The following SH3RF3 variants were observed in gnomAD, a reference collection of about 807,000 sequenced individuals.
SH3RF3 encodes the protein E3 ubiquitin-protein ligase SH3RF3.
Under a neutral mutation model 66.3 loss-of-function variants are expected in SH3RF3, and 29 were observed. The ratio of observed to expected loss-of-function variants is 0.44; its 90% CI spans 0.33 to 0.60. The LOEUF is 0.60. Ranked by LOEUF, SH3RF3 falls within the 20% of genes least tolerant of loss-of-function variation. SH3RF3 has a pLI of 0.04. For synonymous variants in SH3RF3, 583 were observed against 532.0 expected, an observed-to-expected ratio of 1.10 and a Z score of -1.32; for missense variants, 1,194 against 1,190.9, an observed-to-expected ratio of 1.00 and a Z score of -0.04.
chr2:109,148,989 G>A (rs1473995782), intron 1 of SH3RF3, among the ~76,000 whole-genome samples: 1 of 152,216 alleles, frequency 6.6e-6, no homozygotes, highest in African/African-American at 2.4e-5. Flanking sequence ...TTGTTTCCCT[G>A]TTTGCACTTC....
chr2:109,251,720 AG>A lies in SH3RF3; in HGVS notation c.574-95952del, dbSNP rs1480045993. ...TCTATTTTACTATGATGTAAAAATT[AG>A]GTCGTGTACATTTTCATATTAGACT... On this transcript the variant is annotated intron_variant, in intron 1 of 9. Transcript: ENST00000309415. The A allele has an allele frequency of 3.9e-6, 3 of 769,180 alleles. No individual in the cohort carries two copies. The Admixed American group carries it at 6.6e-5, about 17-fold the overall frequency. 47.6% of individuals were successfully genotyped at this position (769,180 alleles called of 1,614,324 possible).
At chr2:109,449,103 TGC>T in intron 7 of SH3RF3, 65 bp from the exon 8 acceptor site, 4 of 1,537,788 alleles carry the variant, frequency 2.6e-6, no homozygotes, top group Admixed American at 1.9e-5. Context: ...GCATTGCAGC[TGC>T]CTGGCAGGCA....
At chr2:109,240,005 T>C (rs1455652234) in intron 1 of SH3RF3, among the ~76,000 whole-genome samples, 1 of 152,196 alleles carries the variant, frequency 6.6e-6, no homozygotes, top group Admixed American at 6.5e-5. Context: ...TGCTGGCTCA[T>C]GATAGATGAG....
At chr2:109,200,690 G>A (rs1007959816) in intron 1 of SH3RF3, among the ~76,000 whole-genome samples, 1 of 152,148 alleles carries the variant, frequency 6.6e-6, no homozygotes, top group Admixed American at 6.5e-5. Context: ...TGGTGTCCCT[G>A]CACTCCGGTT....
At chr2:109,496,531 T>A (rs36179256) in intron 9 of SH3RF3, among the ~76,000 whole-genome samples, 38,824 of 152,112 alleles carry the variant, frequency 0.26, 5,312 homozygotes, top group East Asian at 0.5. Context: ...TAATAGTAAG[T>A]CAGTGAGGGT....
intron 1 of SH3RF3, among the ~76,000 whole-genome samples, chr2:109,131,358 A>G (rs1031702524): frequency 6.6e-6 from 1 of 152,158 alleles, no homozygotes; most frequent in African/African-American, 2.4e-5. Flanking sequence ...TTTAATTGTG[A>G]TTAAATCCAG....
rs5833330 is a variant in SH3RF3 at position 109,387,858 on chromosome 2, T to TG, written c.946-10722dup. Among the ~76,000 whole-genome samples, 1,069 of 147,758 alleles carry TG rather than the reference T, an allele frequency of 7.2e-3. 5 individuals are homozygous for TG. Among genetic ancestry groups the TG allele is most frequent in the Middle Eastern group, 0.014 (4 of 288 alleles). On this transcript the variant is annotated intron_variant, in intron 3 of 9. Coordinates refer to ENST00000309415, the MANE Select transcript of SH3RF3 (RefSeq NM_001099289.3). ...TTCCAAAGCAACAGCCCCAGATGGT[T>TG]GGGGGGGGGGTCTCCTCCCCCGGCC...
rs1428122961 is a variant in SH3RF3 at position 109,504,532 on chromosome 2, T to G, written c.*2861T>G. On this transcript the variant is annotated 3_prime_UTR_variant, in exon 10 of 10. Coordinates refer to ENST00000309415, the MANE Select transcript of SH3RF3 (RefSeq NM_001099289.3). Reference sequence around the variant, plus strand: ...ACACACACCCTATCCCAAGTGTTTTTGTTAGACACAAATGTCAGCGTGTGA... The same window carrying G: ...ACACACACCCTATCCCAAGTGTTTTGGTTAGACACAAATGTCAGCGTGTGA... The G allele has an allele frequency of 6.6e-6, 1 of 152,274 alleles. No individual in the cohort carries two copies. The highest frequency in any genetic ancestry group is 1.5e-5 in the Non-Finnish European group (1 of 68,056). 9.4% of individuals were successfully genotyped at this position (152,274 alleles called of 1,614,324 possible).
At chr2:109,463,627 C>T (rs1392083646) in intron 8 of SH3RF3, among the ~76,000 whole-genome samples, 1 of 152,188 alleles carries the variant, frequency 6.6e-6, no homozygotes, top group Middle Eastern at 3.2e-3. Flanking sequence ...ACTCTGGAAG[C>T]AATGGGGAAG....
chr2:109,500,233 G>A (rs1411436066), intron 9 of SH3RF3, among the ~76,000 whole-genome samples: 1 of 152,188 alleles, frequency 6.6e-6, no homozygotes, highest in African/African-American at 2.4e-5. Flanking sequence ...TATAGGCAGA[G>A]GTGAGGCCCA....
At chr2:109,174,786 G>C (rs1677879218) in intron 1 of SH3RF3, among the ~76,000 whole-genome samples, 1 of 152,216 alleles carries the variant, frequency 6.6e-6, no homozygotes, top group Non-Finnish European at 1.5e-5. Flanking sequence ...CTGGAGCCCT[G>C]CTGGCAGACC....
intron 3 of SH3RF3, among the ~76,000 whole-genome samples, chr2:109,374,644 A>T (rs113239625): frequency 0.019 from 2,927 of 152,270 alleles, 93 homozygotes; most frequent in African/African-American, 0.061. Context: ...CCCTGGTGCA[A>T]GAAGGAATGT....
chr2:109,203,810 C>T (rs1252333815), intron 1 of SH3RF3, among the ~76,000 whole-genome samples: 2 of 122,542 alleles, frequency 1.6e-5, no homozygotes, highest in Admixed American at 8.4e-5. Flanking sequence ...TCATGCACGC[C>T]TCGACTCTGA....
chr2:109,473,388 C>T (rs1678579172), intron 8 of SH3RF3, among the ~76,000 whole-genome samples: 1 of 152,116 alleles, frequency 6.6e-6, no homozygotes, highest in South Asian at 2.1e-4. Flanking sequence ...TGCTCTGAGG[C>T]CCCCATCAGC....
At chr2:109,333,209 C>G (rs539418462) in intron 1 of SH3RF3, among the ~76,000 whole-genome samples, 15 of 152,336 alleles carry the variant, frequency 9.8e-5, no homozygotes, top group Middle Eastern at 3.4e-3. Context: ...TTACCTGTAT[C>G]TATCAGGTTC....
intron 4 of SH3RF3, among the ~76,000 whole-genome samples, chr2:109,400,573 G>GCACACACACA (rs61479132): frequency 2.2e-4 from 32 of 144,402 alleles, no homozygotes; most frequent in Non-Finnish European, 3.1e-4. Context: ...ACACACCTGT[G>GCACACACACA]CGCACACACA....
intron 3 of SH3RF3, among the ~76,000 whole-genome samples, chr2:109,390,291 C>T (rs1347089267): frequency 6.6e-6 from 1 of 152,206 alleles, no homozygotes; most frequent in Non-Finnish European, 1.5e-5. Context: ...AAAATTATCA[C>T]AGGGTCCTTA....
intron 4 of SH3RF3, among the ~76,000 whole-genome samples, chr2:109,408,433 G>A (rs1175103654): frequency 2.0e-5 from 3 of 152,092 alleles, no homozygotes; most frequent in Admixed American, 1.3e-4. Flanking sequence ...CTGCCCTCCC[G>A]CTCCAGGCTA....
chr2:109,249,623 TTC>T lies in SH3RF3; in HGVS notation c.574-98041_574-98040del, dbSNP rs201548250. On this transcript the variant is annotated intron_variant, in intron 1 of 9. Coordinates refer to ENST00000309415, the MANE Select transcript of SH3RF3 (RefSeq NM_001099289.3). ...TTTTTCTTTCTTTCTTTCTCTTTCT[TTC>T]TCTCTCTCTTTCTCTGTTTCTCTCT... Among the ~76,000 whole-genome samples the T allele has an allele frequency of 7.6e-3, 1,121 of 148,150 alleles. 34 individuals are homozygous for T. Among genetic ancestry groups the T allele is most frequent in the African/African-American group, 0.027 (1,058 of 39,500 alleles).
Sources: allele counts gnomAD v4.1 joint callset (sites outside exome capture counted in the v4.1 genomes callset), GRCh38; gene constraint gnomAD v4.1.1; transcripts MANE v1.5; gene names NCBI Gene and HGNC (gene_info 2026-07-23, HGNC 2026-07-21).